Variants in PTCHD1 observed in about 807,000 individuals in gnomAD.
PTCHD1 encodes the protein patched domain-containing protein 1.
A neutral mutation model predicts 34.6 loss-of-function variants in PTCHD1; 3 were observed. The ratio of observed to expected loss-of-function variants is 0.09; its 90% CI spans 0.04 to 0.22. The LOEUF (loss-of-function observed/expected upper bound fraction) is 0.22, where lower values mean the gene tolerates loss of function less well. Ranked by LOEUF, PTCHD1 falls within the 10% of genes least tolerant of loss-of-function variation. PTCHD1 has a pLI of 1.00. For missense variants in PTCHD1, 504 were observed against 685.5 expected (o/e 0.74, Z 2.96); for synonymous variants, 305 against 283.1 (o/e 1.08, Z -0.77).
intron 1 of PTCHD1, among the ~76,000 whole-genome samples, chrX:23,362,017 C>T (rs1921999668): frequency 8.9e-6 from 1 of 112,504 alleles, no homozygotes; most frequent in African/African-American, 3.2e-5. Context: ...GCGGAGAGAT[C>T]CGCTGATAGT....
chrX:23,350,419 G>A (rs1423535852), intron 1 of PTCHD1, among the ~76,000 whole-genome samples: 4 of 111,689 alleles, frequency 3.6e-5, no homozygotes, highest in Admixed American at 9.5e-5. Flanking sequence ...CGTTGGCTTA[G>A]AAGTTTCCCA....
chrX:23,348,211 T>A (rs148439428), intron 1 of PTCHD1, among the ~76,000 whole-genome samples: 1,404 of 106,233 alleles, frequency 0.013, 27 homozygotes, highest in African/African-American at 0.047. Flanking sequence ...AAAGAATCAG[T>A]GAGCTTGAAT....
intron 1 of PTCHD1, among the ~76,000 whole-genome samples, chrX:23,360,563 T>C (rs942142562): frequency 9.0e-6 from 1 of 111,537 alleles, no homozygotes; most frequent in African/African-American, 3.3e-5. Context: ...GTGTTGCTAG[T>C]GGTCTATCTA....
intron 1 of PTCHD1, among the ~76,000 whole-genome samples, chrX:23,344,177 A>C (rs772134523): frequency 8.9e-6 from 1 of 112,342 alleles, no homozygotes; most frequent in Non-Finnish European, 1.9e-5. Context: ...TGTAAACAGA[A>C]AACTGGATTT....
At chrX:23,341,214 T>TA (rs1164411009) in intron 1 of PTCHD1, among the ~76,000 whole-genome samples, 1 of 111,702 alleles carries the variant, frequency 9.0e-6, no homozygotes, top group African/African-American at 3.3e-5. Flanking sequence ...GGCATCTTGA[T>TA]AGATGCCATA....
intron 1 of PTCHD1, among the ~76,000 whole-genome samples, chrX:23,363,514 C>T (rs1922048852): frequency 8.9e-6 from 1 of 112,888 alleles, no homozygotes; most frequent in Non-Finnish European, 1.9e-5. Flanking sequence ...TGGAAAAGCG[C>T]AGTATTTGGA....
At chrX:23,370,360 G>A (rs1004860170) in intron 1 of PTCHD1, among the ~76,000 whole-genome samples, 3 of 111,832 alleles carry the variant, frequency 2.7e-5, no homozygotes, top group African/African-American at 6.5e-5. Flanking sequence ...TTTGCAAGCC[G>A]AGTCATAGAA....
chrX:23,371,433 G>A (rs948365159), intron 1 of PTCHD1, among the ~76,000 whole-genome samples: 5 of 111,846 alleles, frequency 4.5e-5, no homozygotes, highest in African/African-American at 1.6e-4. Context: ...GGGGAACTCT[G>A]GGAAACAGTG....
At chrX:23,349,705 AT>A (rs1391609627) in intron 1 of PTCHD1, among the ~76,000 whole-genome samples, 2 of 112,066 alleles carry the variant, frequency 1.8e-5, no homozygotes, top group South Asian at 3.7e-4. Flanking sequence ...AAATAGACAA[AT>A]CCACTATTAT....
intron 2 of PTCHD1, among the ~76,000 whole-genome samples, chrX:23,385,034 C>A (rs1360745906): frequency 8.9e-6 from 1 of 111,958 alleles, no homozygotes; most frequent in African/African-American, 3.2e-5. Flanking sequence ...CTAGAGAAAA[C>A]AACTGATTTA....
chrX:23,335,432 C>T (rs995066114), intron 1 of PTCHD1, among the ~76,000 whole-genome samples: 1 of 113,093 alleles, frequency 8.8e-6, no homozygotes, highest in African/African-American at 3.2e-5. Context: ...TCCGGCCCTG[C>T]CCGCGTCGCC....
At chrX:23,342,286 ATATATATATATATATATATATATAT>A (rs1329731760) in intron 1 of PTCHD1, among the ~76,000 whole-genome samples, 49 of 5,195 alleles carry the variant, frequency 9.4e-3, no homozygotes, top group African/African-American at 0.011. Flanking sequence ...ATATATATAT[ATATATATATATATATATATATATAT>A]TTTTTTTTTT....
At chrX:23,386,551 C>A (rs1174892175) in intron 2 of PTCHD1, among the ~76,000 whole-genome samples, 3 of 111,895 alleles carry the variant, frequency 2.7e-5, no homozygotes, top group Non-Finnish European at 5.6e-5. Flanking sequence ...ATAAACTTCT[C>A]CCTGAAAATA....
chrX:23,377,578 GTGTGTGTGT>G lies in PTCHD1; in HGVS notation c.352-2012_352-2004del, dbSNP rs1569139436. Among the ~76,000 whole-genome samples, 28 of 83,337 alleles carry G rather than the reference GTGTGTGTGT, an allele frequency of 3.4e-4. No homozygotes were observed. The South Asian group carries it at 6.3e-3, about 19-fold the overall frequency. 72.4% of individuals were successfully genotyped at this position (83,337 alleles called of 115,157 possible). A position where few individuals can be genotyped will look rare whatever the true frequency, so the allele number is the denominator to read the frequency against. Reference sequence around the variant, plus strand: ...GCTGTGAAAATAGCCTCCTAGGGGTGTGTGTGTGTGTGTGTGTGTGTGTGTGTGTGTGTG... The same window carrying G: ...GCTGTGAAAATAGCCTCCTAGGGGTGGTGTGTGTGTGTGTGTGTGTGTGTG... On this transcript the variant is annotated intron_variant, in intron 1 of 2. Transcript: ENST00000379361.
intron 1 of PTCHD1, among the ~76,000 whole-genome samples, chrX:23,355,223 G>A (rs1038421701): frequency 9.0e-6 from 1 of 111,272 alleles, no homozygotes; most frequent in African/African-American, 3.3e-5. Flanking sequence ...TTCACACGTT[G>A]AAAGCAGCCA....
intron 2 of PTCHD1, among the ~76,000 whole-genome samples, chrX:23,383,163 T>G (rs745449174): frequency 1.3e-4 from 15 of 112,332 alleles, no homozygotes; most frequent in Non-Finnish European, 2.8e-4. Context: ...TAACTTAAAA[T>G]GGCTATGCTT....
intron 1 of PTCHD1, among the ~76,000 whole-genome samples, chrX:23,377,421 T>C (rs893483378): frequency 6.2e-5 from 7 of 112,132 alleles, no homozygotes; most frequent in Non-Finnish European, 1.1e-4. Context: ...AGGAGTTCTT[T>C]TAATCAAAAT....
intron 1 of PTCHD1, among the ~76,000 whole-genome samples, chrX:23,370,235 T>C (rs1391999659): frequency 8.9e-6 from 1 of 112,036 alleles, no homozygotes; most frequent in East Asian, 2.8e-4. Flanking sequence ...AATAGCTTAG[T>C]GTCCAGGATC....
chrX:23,379,951 A>G lies in PTCHD1; in HGVS notation c.712A>G (p.Arg238Gly). The part of the protein sequence containing the change: ...RWESSFCDTV[R>G]LFQKSNSKVK... ...GGAGTCCAGCTTCTGCGACACTGTC[A>G]GACTGTTTCAGAAATCCAACAGCAA... Residue 238 changes from arginine to glycine, a missense_variant, in exon 2 of 3, where the codon AGA becomes GGA. Transcript: ENST00000379361. The G allele has an allele frequency of 8.3e-7, 1 of 1,211,992 alleles. No individual in the cohort carries two copies. Among genetic ancestry groups the G allele is most frequent in the East Asian group, 3.0e-5 (1 of 33,863 alleles).
Sources: gnomAD v4.1 joint callset for allele counts (sites outside exome capture counted in the v4.1 genomes callset) on GRCh38, gnomAD v4.1.1 for gene constraint, MANE v1.5 for transcripts, NCBI Gene and HGNC (gene_info 2026-07-23, HGNC 2026-07-21) for gene names.